The following TMEM131 variants were observed in gnomAD, a reference collection of about 807,000 sequenced individuals.
The protein encoded by TMEM131 is transmembrane protein 131.
A neutral mutation model predicts 211.6 loss-of-function variants in TMEM131; 66 were observed. That is an observed-to-expected ratio of 0.31 (90% confidence interval 0.26 to 0.38). The LOEUF (loss-of-function observed/expected upper bound fraction) is 0.38. Among genes scored for constraint, TMEM131 ranks in the 10% least tolerant of loss-of-function variants. The pLI is 1.00. For synonymous variants in TMEM131, 844 were observed against 841.3 expected (o/e 1.00, Z -0.06); for missense variants, 2,036 against 2,299.3 (o/e 0.89, Z 2.34).
intron 8 of TMEM131, among the ~76,000 whole-genome samples, chr2:97,836,105 G>A (rs541739430): frequency 7.2e-5 from 11 of 152,174 alleles, no homozygotes; most frequent in Admixed American, 2.0e-4. Flanking sequence ...ATTTCAAGGT[G>A]AAACATTTTT....
intron 4 of TMEM131, among the ~76,000 whole-genome samples, chr2:97,880,014 T>C (rs1046154194): frequency 6.6e-6 from 1 of 152,212 alleles, no homozygotes; most frequent in Non-Finnish European, 1.5e-5. Context: ...TGAGGTCTGC[T>C]GCTTTCAAAT....
At chr2:97,950,682 A>G (rs1678271823) in intron 1 of TMEM131, among the ~76,000 whole-genome samples, 1 of 152,104 alleles carries the variant, frequency 6.6e-6, no homozygotes, top group Non-Finnish European at 1.5e-5. Context: ...TAGAAGTTGA[A>G]TGAGTTCAGA....
At chr2:97,982,209 G>A (rs1040761106) in intron 1 of TMEM131, among the ~76,000 whole-genome samples, 3 of 152,058 alleles carry the variant, frequency 2.0e-5, no homozygotes, top group African/African-American at 4.8e-5. Context: ...CTGTTTGATC[G>A]TAGCCATATT....
At chr2:97,775,048 C>A (rs938339502) in intron 32 of TMEM131, among the ~76,000 whole-genome samples, 6 of 152,210 alleles carry the variant, frequency 3.9e-5, no homozygotes, top group African/African-American at 1.2e-4. Flanking sequence ...AAAAGAAAGT[C>A]TGTTCTACAA....
At chr2:97,939,886 G>A (rs370274942) in intron 1 of TMEM131, among the ~76,000 whole-genome samples, 5 of 152,260 alleles carry the variant, frequency 3.3e-5, no homozygotes, top group South Asian at 2.1e-4. Context: ...ATCAATAAAC[G>A]TAATCCATCA....
chr2:97,834,529 A>C, intron 10 of TMEM131, 92 bp downstream of exon 10: 1 of 953,876 alleles, frequency 1.0e-6, no homozygotes, highest in East Asian at 2.7e-5. Context: ...TAATGTTTAA[A>C]GCTGAATTAC....
chr2:97,967,813 C>T (rs564175709), intron 1 of TMEM131, among the ~76,000 whole-genome samples: 14 of 152,042 alleles, frequency 9.2e-5, no homozygotes, highest in South Asian at 8.3e-4. Flanking sequence ...ACTAGAGCCT[C>T]GATGCTCTTC....
In TMEM131 at chr2:97,801,841, T is replaced by C. The variant is rs1189768244; in HGVS notation, c.2718+54A>G. On this transcript the variant is annotated intron_variant, in intron 25 of 40. Coordinates refer to ENST00000186436, the MANE Select transcript of TMEM131 (RefSeq NM_015348.2). ...CCAATAATTTTCTTTCATATTTATA[T>C]TGATCATATTATAAAATAATTTCTT... 69 of 1,321,812 alleles carry C rather than the reference T, an allele frequency of 5.2e-5. No homozygotes were observed. In the East Asian group the frequency reaches 1.5e-3, roughly 28 times the overall value. The allele number at this position is 1,321,812 out of a possible 1,614,324, so 81.9% of individuals were successfully genotyped here.
chr2:97,759,101 A>C lies in TMEM131; in HGVS notation c.5207-48T>G, dbSNP rs756039176. 3 of 1,611,744 alleles carry C rather than the reference A, an allele frequency of 1.9e-6. No individual in the cohort carries two copies. The South Asian group carries it at 3.3e-5, about 18-fold the overall frequency. On this transcript the variant is annotated intron_variant, in intron 39 of 40. Coordinates refer to ENST00000186436, the MANE Select transcript of TMEM131 (RefSeq NM_015348.2). ...CAAGTCCATATTTGGTTTTGCCATG[A>C]TCACTATAGCATATGGGGCTTCACT... is the stretch of plus-strand genomic sequence containing the variant.
intron 3 of TMEM131, among the ~76,000 whole-genome samples, chr2:97,900,042 A>T (rs1675784053): frequency 6.6e-6 from 1 of 152,092 alleles, no homozygotes; most frequent in Admixed American, 6.6e-5. Flanking sequence ...AAGGTAGCCT[A>T]GTCTCCCCTT....
At chr2:97,994,894 G>T (rs947458122) in intron 1 of TMEM131, among the ~76,000 whole-genome samples, 1 of 152,162 alleles carries the variant, frequency 6.6e-6, no homozygotes, top group African/African-American at 2.4e-5. Context: ...ACCGAATCAC[G>T]TATTTTAAAA....
intron 25 of TMEM131, among the ~76,000 whole-genome samples, chr2:97,801,450 G>A (rs571816841): frequency 5.3e-4 from 80 of 152,268 alleles, no homozygotes; most frequent in African/African-American, 1.8e-3. Flanking sequence ...TGAAAATCAT[G>A]CATATTACCA....
intron 1 of TMEM131, among the ~76,000 whole-genome samples, chr2:97,947,617 C>T (rs760081317): frequency 5.3e-5 from 8 of 152,106 alleles, no homozygotes; most frequent in Non-Finnish European, 1.0e-4. Context: ...AATATTGTTA[C>T]AGCAATTTTC....
chr2:97,964,975 C>T (rs1678985058), intron 1 of TMEM131, among the ~76,000 whole-genome samples: 1 of 152,150 alleles, frequency 6.6e-6, no homozygotes, highest in Non-Finnish European at 1.5e-5. Flanking sequence ...CTGTGTGAGA[C>T]ACCCACTGGG....
chr2:97,984,216 G>A (rs1461391342), intron 1 of TMEM131, among the ~76,000 whole-genome samples: 2 of 152,136 alleles, frequency 1.3e-5, no homozygotes, highest in Non-Finnish European at 2.9e-5. Context: ...TTAAGAGCAA[G>A]TTTTAATAAC....
chr2:97,925,707 C>T (rs1238849044), intron 2 of TMEM131, among the ~76,000 whole-genome samples: 1 of 152,092 alleles, frequency 6.6e-6, no homozygotes, highest in South Asian at 2.1e-4. Context: ...TTCCATAAAC[C>T]TAATTTTCCT....
At chr2:97,971,451 T>C (rs753672883) in intron 1 of TMEM131, among the ~76,000 whole-genome samples, 6 of 152,214 alleles carry the variant, frequency 3.9e-5, no homozygotes, top group African/African-American at 1.4e-4. Context: ...TAAAATTACA[T>C]TTGTGGCTAT....
intron 5 of TMEM131, among the ~76,000 whole-genome samples, chr2:97,847,964 A>C (rs1489440447): frequency 6.6e-6 from 1 of 152,234 alleles, no homozygotes; most frequent in Non-Finnish European, 1.5e-5. Flanking sequence ...ATGATAAAGA[A>C]AGGAAATAAG....
chr2:97,988,911 A>G (rs938172770), intron 1 of TMEM131, among the ~76,000 whole-genome samples: 2 of 152,206 alleles, frequency 1.3e-5, no homozygotes, highest in African/African-American at 4.8e-5. Flanking sequence ...TTCTGGGTAG[A>G]TATGCAAAAT....
Sources: gnomAD v4.1 joint callset for allele counts (sites outside exome capture counted in the v4.1 genomes callset) on GRCh38, gnomAD v4.1.1 for gene constraint, MANE v1.5 for transcripts, NCBI Gene and HGNC (gene_info 2026-07-23, HGNC 2026-07-21) for gene names.